The following EYS variants were observed in gnomAD, a reference collection of about 807,000 sequenced individuals.
The protein encoded by EYS is protein eyes shut homolog.
Under a neutral mutation model 282.1 loss-of-function variants are expected in EYS, and 250 were observed. The ratio of observed to expected loss-of-function variants is 0.89; its 90% confidence interval spans 0.80 to 0.98. The LOEUF (loss-of-function observed/expected upper bound fraction) is 0.98, where lower values mean the gene tolerates loss of function less well. Among genes scored for constraint, EYS ranks in the 50% least tolerant of loss-of-function variants. EYS has a pLI of 0.00. For missense variants in EYS, 4,016 were observed against 3,709.0 expected (o/e 1.08, Z -2.15); for synonymous variants, 1,355 against 1,282.9 (o/e 1.06, Z -1.20).
At chr6:64,125,811 T>C (rs1283531499) in intron 31 of EYS, among the ~76,000 whole-genome samples, 1 of 143,948 alleles carries the variant, frequency 6.9e-6, no homozygotes, top group Non-Finnish European at 1.5e-5. Context: ...AAAAAAAAAG[T>C]TGTCAACTCT....
chr6:65,530,361 A>G (rs1162318573), intron 2 of EYS, among the ~76,000 whole-genome samples: 1 of 152,142 alleles, frequency 6.6e-6, no homozygotes, highest in Non-Finnish European at 1.5e-5. Context: ...AATTCAGCCC[A>G]CCACCTGTCT....
intron 15 of EYS, among the ~76,000 whole-genome samples, chr6:64,913,746 G>T (rs756648981): frequency 6.6e-6 from 1 of 152,260 alleles, no homozygotes; most frequent in South Asian, 2.1e-4. Flanking sequence ...TTGGTAGAAT[G>T]ACTTCTTTTT....
chr6:63,803,550 G>C (rs568480687), intron 37 of EYS, among the ~76,000 whole-genome samples: 11 of 152,290 alleles, frequency 7.2e-5, no homozygotes, highest in African/African-American at 2.4e-4. Flanking sequence ...ATTGATGGAA[G>C]AGTTGCGAGG....
intron 35 of EYS, among the ~76,000 whole-genome samples, chr6:63,937,395 T>TTTG (rs1765098994): frequency 9.1e-6 from 1 of 109,612 alleles, no homozygotes; most frequent in African/African-American, 3.8e-5. Context: ...TTTTTTTTTT[T>TTTG]TTTGAGACGG....
At chr6:65,147,777 A>G (rs9294636) in intron 12 of EYS, among the ~76,000 whole-genome samples, 151,112 of 152,188 alleles carry the variant, frequency 0.99, 75,025 homozygotes, top group Middle Eastern at 1. Context: ...ATAAAGAAAA[A>G]TAGTTTAATT....
Position 65,405,273 on chromosome 6 carries a change from T to C in EYS, c.957A>G (p.Glu319=). 1 of 1,613,224 alleles carries C rather than the reference T, an allele frequency of 6.2e-7. No homozygotes were observed. Among genetic ancestry groups the C allele is most frequent in the Non-Finnish European group, 8.5e-7 (1 of 1,179,516 alleles). ...CPNSSSAYTY[E]CPKGSSSQNG... ...TTTGGCTGGAAGATCCTTTTGGGCA[T>C]TCATAAGTATAAGCAGAACTGCTAT... The change falls in exon 6 of 43, where the codon GAA becomes GAG. Residue 319 remains glutamate (E), a synonymous_variant. Transcript: ENST00000503581.
Position 65,575,266 on chromosome 6 carries a change from G to A in EYS, c.-333+64512C>T, listed in dbSNP as rs887617291. Among the ~76,000 whole-genome samples, 7 of 151,976 alleles carry A rather than the reference G, an allele frequency of 4.6e-5. No individual in the cohort carries two copies. The East Asian group carries it at 1.4e-3, about 30-fold the overall frequency. On this transcript the variant is annotated intron_variant, in intron 2 of 42. Coordinates refer to ENST00000503581, the MANE Select transcript of EYS (RefSeq NM_001142800.2). ...CACTTGAATCTGGGAGGTGGAAGGT[G>A]CAGTGAGCTGAGATCATGCCACTGC... is the stretch of plus-strand genomic sequence containing the variant.
At chr6:63,741,942 T>A in intron 41 of EYS, 1 of 702,424 alleles carries the variant, frequency 1.4e-6, no homozygotes, top group Admixed American at 2.0e-5. Context: ...TTCTGCTGGT[T>A]TTGGCTTTTC....
chr6:65,135,996 A>T (rs1242805215), intron 12 of EYS, among the ~76,000 whole-genome samples: 1 of 152,092 alleles, frequency 6.6e-6, no homozygotes, highest in Non-Finnish European at 1.5e-5. Flanking sequence ...AATTTAATGG[A>T]AACATTAACT....
chr6:64,266,819 ACT>A (rs1767775810), intron 30 of EYS, among the ~76,000 whole-genome samples: 1 of 152,036 alleles, frequency 6.6e-6, no homozygotes, highest in Non-Finnish European at 1.5e-5. Context: ...GTTTGGTAAG[ACT>A]CCACCAAATT....
chr6:64,367,309 A>G (rs971384071), intron 29 of EYS, among the ~76,000 whole-genome samples: 2 of 152,124 alleles, frequency 1.3e-5, no homozygotes, highest in Admixed American at 6.6e-5. Context: ...AAGGAGATTC[A>G]TAAGTGTGGC....
At chr6:64,099,389 C>CT (rs148127635) in intron 31 of EYS, among the ~76,000 whole-genome samples, 3 of 152,074 alleles carry the variant, frequency 2.0e-5, no homozygotes, top group East Asian at 3.9e-4. Flanking sequence ...TCAGCAAAGC[C>CT]TTTTTTTCTC....
chr6:65,199,462 G>A (rs1006642234), intron 12 of EYS, among the ~76,000 whole-genome samples: 10 of 152,042 alleles, frequency 6.6e-5, no homozygotes, highest in South Asian at 2.1e-4. Context: ...CGACAGCAGC[G>A]AAGTACTCAG....
At chr6:63,741,994 G>A (rs760158141) in intron 41 of EYS, 1 of 701,834 alleles carries the variant, frequency 1.4e-6, no homozygotes. Flanking sequence ...ACAAGAGAAG[G>A]GTCTTTTTTG....
intron 2 of EYS, among the ~76,000 whole-genome samples, chr6:65,548,211 G>T (rs1768463079): frequency 1.3e-5 from 1 of 78,888 alleles, no homozygotes; most frequent in South Asian, 4.6e-4. Flanking sequence ...ACTTAATGCA[G>T]AATTTATTGA....
At chr6:64,884,737 T>C (rs1326312052) in intron 19 of EYS, among the ~76,000 whole-genome samples, 1 of 151,678 alleles carries the variant, frequency 6.6e-6, no homozygotes, top group African/African-American at 2.4e-5. Flanking sequence ...GGAAAACTTC[T>C]TTTTGAATGT....
At chr6:64,827,697 A>G (rs552888191) in intron 19 of EYS, among the ~76,000 whole-genome samples, 2 of 152,022 alleles carry the variant, frequency 1.3e-5, no homozygotes, top group South Asian at 4.1e-4. Context: ...AAAAAGTCAT[A>G]AGAGCTCCAA....
intron 29 of EYS, among the ~76,000 whole-genome samples, chr6:64,335,573 A>G (rs1770820023): frequency 6.6e-6 from 1 of 152,044 alleles, no homozygotes; most frequent in Non-Finnish European, 1.5e-5. Context: ...TGGGGCTCAG[A>G]CTTTCTGGAC....
intron 31 of EYS, among the ~76,000 whole-genome samples, chr6:64,208,917 T>A (rs1019573070): frequency 9.9e-5 from 15 of 152,152 alleles, no homozygotes; most frequent in African/African-American, 3.6e-4. Context: ...AATAAAAGCA[T>A]GACTAAATTG....
Sources: allele counts gnomAD v4.1 joint callset (sites outside exome capture counted in the v4.1 genomes callset), GRCh38; gene constraint gnomAD v4.1.1; transcripts MANE v1.5; gene names NCBI Gene and HGNC (gene_info 2026-07-23, HGNC 2026-07-21).